IKZF2: variants seen among roughly 807,000 people sequenced by gnomAD.
IKZF2 encodes the protein IKAROS family zinc finger 2.
A neutral mutation model predicts 49.2 loss-of-function variants in IKZF2; 15 were observed. That is an observed-to-expected ratio of 0.30 (90% CI 0.20 to 0.47). IKZF2 has a LOEUF of 0.47. Ranked by LOEUF, IKZF2 falls within the 20% of genes least tolerant of loss-of-function variation. The probability of loss-of-function intolerance (pLI) is 1.00; values close to 1 mark genes in which losing one functional copy is unlikely to be tolerated. For missense variants in IKZF2, 567 were observed against 664.6 expected, an observed-to-expected ratio of 0.85 and a Z score of 1.61; for synonymous variants, 227 against 221.4, an observed-to-expected ratio of 1.03 and a Z score of -0.23.
chr2:213,125,246 T>C (rs1013882102), intron 4 of IKZF2, among the ~76,000 whole-genome samples: 32 of 152,318 alleles, frequency 2.1e-4, no homozygotes, highest in Admixed American at 1.6e-3. Context: ...TATCCTTTAA[T>C]AAATATGCCT....
At position 213,024,158 on chromosome 2, in the gene IKZF2, G is replaced by A. The variant is rs184559888; in HGVS notation, c.575-2028C>T. Among the ~76,000 whole-genome samples the A allele has an allele frequency of 8.5e-5, 13 of 152,204 alleles. No individual in the cohort carries two copies. In the East Asian group the frequency reaches 2.3e-3, roughly 27 times the overall value. ...CCATCATTGAGTCCAACAGGGATCT[G>A]AGTTGGGCTTTGTTCTAAATGTATA... is the stretch of plus-strand genomic sequence containing the variant. On this transcript the variant is annotated intron_variant, in intron 6 of 8. Coordinates refer to ENST00000434687, the MANE Select transcript of IKZF2 (RefSeq NM_001387220.1).
chr2:213,053,548 T>A (rs569543445), intron 5 of IKZF2, among the ~76,000 whole-genome samples: 41 of 152,244 alleles, frequency 2.7e-4, no homozygotes, highest in African/African-American at 8.7e-4. Context: ...ATCTCAAGCA[T>A]CTGCTGAGTG....
At chr2:213,035,408 C>T (rs984455533) in intron 6 of IKZF2, among the ~76,000 whole-genome samples, 3 of 152,128 alleles carry the variant, frequency 2.0e-5, no homozygotes, top group Non-Finnish European at 4.4e-5. Context: ...GGTGGGATGG[C>T]ACAGACAACA....
intron 4 of IKZF2, among the ~76,000 whole-genome samples, chr2:213,085,432 T>A (rs1704472229): frequency 6.6e-6 from 1 of 152,230 alleles, no homozygotes; most frequent in East Asian, 1.9e-4. Flanking sequence ...TCAATATGAT[T>A]CATTTAAACA....
At chr2:213,082,458 AT>A (rs1704058325) in intron 4 of IKZF2, among the ~76,000 whole-genome samples, 1 of 152,206 alleles carries the variant, frequency 6.6e-6, no homozygotes, top group Admixed American at 6.5e-5. Flanking sequence ...AAGATTTATA[AT>A]GATAAAAACA....
At chr2:213,137,273 C>A (rs4673728) in intron 4 of IKZF2, among the ~76,000 whole-genome samples, 1 of 151,836 alleles carries the variant, frequency 6.6e-6, no homozygotes, top group African/African-American at 2.4e-5. Context: ...TTTTATAATT[C>A]TCAGTTATGT....
intron 2 of IKZF2, 35 bp downstream of exon 2, chr2:213,150,109 A>C (rs2061230301): frequency 8.3e-7 from 1 of 1,211,586 alleles, no homozygotes; most frequent in Non-Finnish European, 1.1e-6. Flanking sequence ...AAGAAGGAAA[A>C]AGAAAAAGGA....
chr2:213,010,690 T>C (rs1695853534), intron 8 of IKZF2, among the ~76,000 whole-genome samples: 1 of 151,982 alleles, frequency 6.6e-6, no homozygotes, highest in African/African-American at 2.4e-5. Flanking sequence ...TGAGACCCCC[T>C]TTGGTAATGG....
chr2:213,114,554 C>T (rs781033405), intron 4 of IKZF2, among the ~76,000 whole-genome samples: 52 of 151,870 alleles, frequency 3.4e-4, no homozygotes, highest in Non-Finnish European at 7.1e-4. Flanking sequence ...GAGATTTTTC[C>T]AAAAGTCTTC....
chr2:213,064,205 A>G (rs1203906262), intron 4 of IKZF2, among the ~76,000 whole-genome samples: 1 of 152,004 alleles, frequency 6.6e-6, no homozygotes, highest in African/African-American at 2.4e-5. Flanking sequence ...CAATTTGAGC[A>G]GTAAGTCAAT....
At chr2:213,148,376 T>A (rs2061153395) in intron 3 of IKZF2, among the ~76,000 whole-genome samples, 1 of 152,238 alleles carries the variant, frequency 6.6e-6, no homozygotes, top group South Asian at 2.1e-4. Flanking sequence ...CTAGCTACTA[T>A]TGATTTAAGT....
intron 5 of IKZF2, among the ~76,000 whole-genome samples, chr2:213,055,393 TAAAG>T (rs953878259): frequency 5.3e-5 from 8 of 151,918 alleles, no homozygotes; most frequent in Non-Finnish European, 1.2e-4. Flanking sequence ...ACTTAAAAAT[TAAAG>T]AAAAAAGTTA....
chr2:213,134,158 T>TA (rs2060573073), intron 4 of IKZF2, among the ~76,000 whole-genome samples: 1 of 152,200 alleles, frequency 6.6e-6, no homozygotes, highest in African/African-American at 2.4e-5. Flanking sequence ...GCCTGTGTCT[T>TA]AGACACTTCG....
intron 4 of IKZF2, among the ~76,000 whole-genome samples, chr2:213,101,963 T>C (rs1426258644): frequency 6.6e-6 from 1 of 152,150 alleles, no homozygotes. Context: ...AGATAACTGA[T>C]CCATGACAGG....
At chr2:213,013,754 C>T (rs1237273092) in intron 8 of IKZF2, 37 bp downstream of exon 8, 1 of 1,577,878 alleles carries the variant, frequency 6.3e-7, no homozygotes, top group Non-Finnish European at 8.6e-7. Flanking sequence ...CTATTAACAT[C>T]ACCTTGCAAA....
chr2:213,124,427 C>T (rs1433256010), intron 4 of IKZF2, among the ~76,000 whole-genome samples: 1 of 152,162 alleles, frequency 6.6e-6, no homozygotes, highest in African/African-American at 2.4e-5. Context: ...CAGGTACAAG[C>T]CTTCTGCCTA....
At chr2:213,097,080 A>G (rs1453580337) in intron 4 of IKZF2, among the ~76,000 whole-genome samples, 1 of 152,018 alleles carries the variant, frequency 6.6e-6, no homozygotes, top group Non-Finnish European at 1.5e-5. Context: ...CTATATTTTT[A>G]AAGACCAAGA....
rs1276710617 is a variant in IKZF2 at position 213,150,204 on chromosome 2, C to T, written c.-76G>A. ...ACCATTTCCAGCTCTGTCGGGAGAT[C>T]TCAGCTTCTTCTAACCCCTCAAAGA... On this transcript the variant is annotated 5_prime_UTR_variant, in exon 2 of 9. Transcript: ENST00000434687. 7.7e-7 allele frequency: 1 copy of T among 1,302,360 alleles called. No homozygotes were observed. The highest frequency in any genetic ancestry group is 2.3e-5 in the Admixed American group (1 of 43,574). 80.7% of individuals were successfully genotyped at this position (1,302,360 alleles called of 1,614,324 possible). A position where few individuals can be genotyped will look rare whatever the true frequency, so the allele number is the denominator to read the frequency against.
intron 5 of IKZF2, chr2:213,056,504 G>T (rs1024483197): frequency 3.2e-5 from 13 of 408,650 alleles, no homozygotes; most frequent in Non-Finnish European, 5.5e-5. Flanking sequence ...CTGCCCATGG[G>T]TATGGTAAAA....
Sources: gnomAD v4.1 joint callset for allele counts (sites outside exome capture counted in the v4.1 genomes callset) on GRCh38, gnomAD v4.1.1 for gene constraint, MANE v1.5 for transcripts, NCBI Gene and HGNC (gene_info 2026-07-23, HGNC 2026-07-21) for gene names.